The following DPP10 variants were observed in gnomAD, a reference collection of about 807,000 sequenced individuals.
DPP10 encodes the protein dipeptidyl peptidase like 10.
DPP10 carries 33 observed loss-of-function variants against 120.9 expected under a neutral mutation model. The observed-to-expected ratio is 0.27, with a 90% confidence interval of 0.21 to 0.37. The LOEUF (loss-of-function observed/expected upper bound fraction) is 0.37, where lower values mean the gene tolerates loss of function less well. Ranked by LOEUF, DPP10 falls within the 10% of genes least tolerant of loss-of-function variation. The pLI is 1.00. For missense variants in DPP10, 816 were observed against 942.8 expected, an observed-to-expected ratio of 0.87 and a Z score of 1.76; for synonymous variants, 337 against 326.1, an observed-to-expected ratio of 1.03 and a Z score of -0.36.
At chr2:114,535,556 C>T (rs2104766977) in intron 1 of DPP10, among the ~76,000 whole-genome samples, 1 of 152,280 alleles carries the variant, frequency 6.6e-6, no homozygotes, top group South Asian at 2.1e-4. Context: ...AGTTACTAAA[C>T]CAGCGAATGT....
chr2:115,667,042 A>G (rs943591668), intron 5 of DPP10, among the ~76,000 whole-genome samples: 1 of 152,152 alleles, frequency 6.6e-6, no homozygotes, highest in African/African-American at 2.4e-5. Context: ...AGCCATGCAT[A>G]ACTGTGAATC....
chr2:115,015,588 A>G lies in DPP10; in HGVS notation c.61-293651A>G, dbSNP rs372720033. On this transcript the variant is annotated intron_variant, in intron 1 of 25. Coordinates refer to ENST00000410059, the MANE Select transcript of DPP10 (RefSeq NM_020868.6). ...CTCTATTTGCAGATAACTTGATTGT[A>G]TATTTAGAAAACCCCATCATCTCAG... is the stretch of plus-strand genomic sequence containing the variant. Among the ~76,000 whole-genome samples the G allele has an allele frequency of 7.2e-5, 11 of 152,304 alleles. No individual in the cohort carries two copies. The East Asian group carries it at 1.9e-3, about 27-fold the overall frequency.
intron 1 of DPP10, among the ~76,000 whole-genome samples, chr2:114,619,204 C>T (rs534941207): frequency 6.6e-6 from 1 of 152,004 alleles, no homozygotes; most frequent in East Asian, 1.9e-4. Flanking sequence ...AATATGTTAT[C>T]CACATGTATT....
chr2:114,793,671 C>T (rs1481309497), intron 1 of DPP10, among the ~76,000 whole-genome samples: 1 of 152,126 alleles, frequency 6.6e-6, no homozygotes, highest in Admixed American at 6.5e-5. Context: ...ATTGTTTAGG[C>T]TCAAAGCGCC....
Position 115,313,229 on chromosome 2 carries a change from A to G in DPP10, c.175+3876A>G, listed in dbSNP as rs573743276. On this transcript the variant is annotated intron_variant, in intron 2 of 25. Coordinates refer to ENST00000410059, the MANE Select transcript of DPP10 (RefSeq NM_020868.6). ...AGAACGAGACTCTGTCTCAAAAAAT[A>G]AAAAAGAGTGGCAGTCATAAATTCA... Among the ~76,000 whole-genome samples, 3 of 152,210 alleles carry G rather than the reference A, an allele frequency of 2.0e-5. No homozygotes were observed. The East Asian group carries it at 5.8e-4, about 29-fold the overall frequency.
At position 115,723,597 on chromosome 2, in the gene DPP10, T is replaced by TTTG. The variant is rs1047041857; in HGVS notation, c.577-4201_577-4199dup. 4.3e-3 allele frequency among the ~76,000 whole-genome samples: 622 copies of TTTG among 145,468 alleles called. 6 individuals are homozygous for TTTG. Among genetic ancestry groups the TTTG allele is most frequent in the African/African-American group, 0.016 (593 of 38,232 alleles). The stretch of plus-strand genomic sequence containing the variant: ...CATTGCTCTCTGCAGGTTGGTGTAT[T>TTTG]TTGTTGTTGTTGTTGTTGTTTTTTG... On this transcript the variant is annotated intron_variant, in intron 7 of 25. Transcript: ENST00000410059.
intron 8 of DPP10, among the ~76,000 whole-genome samples, chr2:115,731,253 G>A (rs2092902522): frequency 6.6e-6 from 1 of 152,100 alleles, no homozygotes; most frequent in South Asian, 2.1e-4. Context: ...AGCTACTCGG[G>A]AGGCTGAGGC....
At chr2:114,682,699 G>C (rs1285146573) in intron 1 of DPP10, among the ~76,000 whole-genome samples, 2 of 151,672 alleles carry the variant, frequency 1.3e-5, no homozygotes, top group African/African-American at 2.4e-5. Flanking sequence ...AAAGAGCCAA[G>C]GATTTTATTC....
intron 5 of DPP10, among the ~76,000 whole-genome samples, chr2:115,581,195 T>G (rs1289339340): frequency 6.6e-6 from 1 of 152,226 alleles, no homozygotes; most frequent in African/African-American, 2.4e-5. Context: ...GCTCTGATTT[T>G]TGTTGTCACT....
chr2:115,765,324 G>A (rs567723815), intron 12 of DPP10, among the ~76,000 whole-genome samples: 2 of 152,242 alleles, frequency 1.3e-5, no homozygotes, highest in African/African-American at 4.8e-5. Context: ...TAAGGGAGGA[G>A]TTGCTATGTG....
At position 114,881,598 on chromosome 2, in the gene DPP10, G is replaced by GTCTATCTATCTATCTATCTA. The variant is rs58501993; in HGVS notation, c.61-427615_61-427596dup. On this transcript the variant is annotated intron_variant, in intron 1 of 25. Coordinates refer to ENST00000410059, the MANE Select transcript of DPP10 (RefSeq NM_020868.6). Reference sequence around the variant, plus strand: ...TATCTATCTGTCTGTCTGTCTGTCTGTCTATCTATCTATCTATCTATCTAT... The same window carrying GTCTATCTATCTATCTATCTA: ...TATCTATCTGTCTGTCTGTCTGTCTGTCTATCTATCTATCTATCTATCTATCTATCTATCTATCTATCTAT... Among the ~76,000 whole-genome samples the GTCTATCTATCTATCTATCTA allele has an allele frequency of 1.3e-3, 190 of 141,172 alleles. 1 individual carries two copies. Among genetic ancestry groups the GTCTATCTATCTATCTATCTA allele is most frequent in the East Asian group, 4.6e-3 (22 of 4,756 alleles). 92.6% of individuals were successfully genotyped at this position (141,172 alleles called of 152,430 possible).
At position 115,842,510 on chromosome 2, in the gene DPP10, A is replaced by C; in HGVS notation, c.*165A>C. On this transcript the variant is annotated 3_prime_UTR_variant, in exon 26 of 26. Coordinates refer to ENST00000410059, the MANE Select transcript of DPP10 (RefSeq NM_020868.6). ...AACTAGCATTTGAATACACAAGTCCAAGTCTACTGTGTTGCTAGGGGTGCA... is the reference window on the plus strand; with the variant it reads ...AACTAGCATTTGAATACACAAGTCCCAGTCTACTGTGTTGCTAGGGGTGCA... The C allele has an allele frequency of 1.3e-6, 1 of 755,330 alleles. No individual in the cohort carries two copies. Among genetic ancestry groups the C allele is most frequent in the Non-Finnish European group, 2.0e-6 (1 of 512,472 alleles). The allele number at this position is 755,330 out of a possible 1,614,324, so 46.8% of individuals were successfully genotyped here. A position where few individuals can be genotyped will look rare whatever the true frequency, so the allele number is the denominator to read the frequency against.
intron 5 of DPP10, among the ~76,000 whole-genome samples, chr2:115,628,483 T>TGGTA (rs2085553357): frequency 6.6e-6 from 1 of 152,200 alleles, no homozygotes; most frequent in East Asian, 1.9e-4. Flanking sequence ...GTTCAACTGA[T>TGGTA]GATAGTCTCT....
At chr2:115,034,434 G>A (rs1040561096) in intron 1 of DPP10, among the ~76,000 whole-genome samples, 5 of 152,058 alleles carry the variant, frequency 3.3e-5, no homozygotes, top group African/African-American at 9.7e-5. Context: ...CATGGGATTC[G>A]TATTACAAAC....
chr2:115,240,437 T>A lies in DPP10; in HGVS notation c.61-68802T>A, dbSNP rs182664309. ...TATCTGTTCATATCCTTTGACCACT[T>A]TTTGATGGGGTTGTTTGTTTTTTTC... is the stretch of plus-strand genomic sequence containing the variant. On this transcript the variant is annotated intron_variant, in intron 1 of 25. Transcript: ENST00000410059. Among the ~76,000 whole-genome samples the A allele has an allele frequency of 4.5e-3, 686 of 152,334 alleles. 8 individuals carry two copies. The highest frequency in any genetic ancestry group is 0.016 in the African/African-American group (656 of 41,584).
intron 1 of DPP10, among the ~76,000 whole-genome samples, chr2:115,026,557 A>G (rs527506144): frequency 1.3e-5 from 2 of 152,010 alleles, no homozygotes; most frequent in East Asian, 3.9e-4. Flanking sequence ...TCTTTTTGAG[A>G]CAGACTCTCA....
At chr2:115,550,646 T>C (rs2079817899) in intron 5 of DPP10, among the ~76,000 whole-genome samples, 1 of 152,174 alleles carries the variant, frequency 6.6e-6, no homozygotes, top group African/African-American at 2.4e-5. Flanking sequence ...TCAACTTTTC[T>C]GTTAAAGAGA....
At chr2:114,583,049 G>T (rs79614240) in intron 1 of DPP10, among the ~76,000 whole-genome samples, 1 of 152,138 alleles carries the variant, frequency 6.6e-6, no homozygotes, top group Non-Finnish European at 1.5e-5. Context: ...AGCACTTTGA[G>T]AACACTTGCT....
intron 2 of DPP10, among the ~76,000 whole-genome samples, chr2:115,337,696 A>G (rs113654396): frequency 6.8e-6 from 1 of 148,012 alleles, no homozygotes. Context: ...AAGATAGAGG[A>G]TAGAAGTTAG....
Sources: gnomAD v4.1 joint callset for allele counts (sites outside exome capture counted in the v4.1 genomes callset) on GRCh38, gnomAD v4.1.1 for gene constraint, MANE v1.5 for transcripts, NCBI Gene and HGNC (gene_info 2026-07-23, HGNC 2026-07-21) for gene names.